The following DCC variants were observed in gnomAD, a reference collection of about 807,000 sequenced individuals.
DCC encodes DCC netrin 1 receptor, also known as netrin receptor DCC.
Under a neutral mutation model 172.5 loss-of-function variants are expected in DCC, and 58 were observed. The ratio of observed to expected loss-of-function variants is 0.34; its 90% confidence interval spans 0.27 to 0.42. The LOEUF (loss-of-function observed/expected upper bound fraction) is 0.42. Among genes scored for constraint, DCC ranks in the 10% least tolerant of loss-of-function variants. The pLI, the probability that DCC is intolerant of heterozygous loss-of-function variation, is 1.00. For synonymous variants in DCC, 709 were observed against 644.5 expected, an observed-to-expected ratio of 1.10 and a Z score of -1.52; for missense variants, 1,740 against 1,791.0, an observed-to-expected ratio of 0.97 and a Z score of 0.51.
intron 1 of DCC, among the ~76,000 whole-genome samples, chr18:52,624,522 C>A (rs996312440): frequency 6.6e-6 from 1 of 152,112 alleles, no homozygotes; most frequent in Non-Finnish European, 1.5e-5. Flanking sequence ...TTGGAACAAG[C>A]TTGTGAGTAG....
intron 1 of DCC, among the ~76,000 whole-genome samples, chr18:52,724,970 A>T (rs561361213): frequency 3.9e-5 from 6 of 152,150 alleles, no homozygotes; most frequent in African/African-American, 7.2e-5. Context: ...GGCCACATGA[A>T]ATGTCTTTCT....
intron 2 of DCC, among the ~76,000 whole-genome samples, chr18:52,842,989 T>C (rs1202031420): frequency 6.6e-6 from 1 of 152,162 alleles, no homozygotes; most frequent in Non-Finnish European, 1.5e-5. Flanking sequence ...ATTTAGGTGC[T>C]TTTTAGATTT....
intron 12 of DCC, among the ~76,000 whole-genome samples, chr18:53,245,980 G>C (rs1398340397): frequency 1.3e-5 from 2 of 152,040 alleles, no homozygotes; most frequent in Non-Finnish European, 2.9e-5. Context: ...AGGTCTGCCT[G>C]GGTGTCAGCT....
At chr18:52,629,667 T>C (rs1260637278) in intron 1 of DCC, among the ~76,000 whole-genome samples, 1 of 151,796 alleles carries the variant, frequency 6.6e-6, no homozygotes, top group African/African-American at 2.4e-5. Flanking sequence ...ATACAAAAAT[T>C]AGTCCGGGCG....
chr18:53,313,115 A>T (rs947239712), intron 13 of DCC, among the ~76,000 whole-genome samples: 4 of 151,948 alleles, frequency 2.6e-5, no homozygotes, highest in Non-Finnish European at 5.9e-5. Flanking sequence ...AAAGAAAGCA[A>T]CATTGAAAGA....
intron 12 of DCC, among the ~76,000 whole-genome samples, chr18:53,230,900 C>A (rs944674569): frequency 6.6e-6 from 1 of 151,926 alleles, no homozygotes; most frequent in African/African-American, 2.4e-5. Flanking sequence ...GGATGTAAGT[C>A]TGTGACATCA....
chr18:52,399,317 T>A (rs1986350379), intron 1 of DCC, among the ~76,000 whole-genome samples: 2 of 151,962 alleles, frequency 1.3e-5, no homozygotes, highest in African/African-American at 4.8e-5. Context: ...TAGATAACTT[T>A]CCAGCATTGT....
chr18:52,360,194 C>G (rs1001028740), intron 1 of DCC, among the ~76,000 whole-genome samples: 1 of 152,158 alleles, frequency 6.6e-6, no homozygotes. Context: ...TTAGACACTT[C>G]TAGATTATTG....
chr18:52,920,315 A>G (rs1481083079), intron 3 of DCC, among the ~76,000 whole-genome samples: 2 of 152,094 alleles, frequency 1.3e-5, no homozygotes, highest in African/African-American at 4.8e-5. Context: ...CACACTTGTG[A>G]TCAAGGGCTT....
intron 2 of DCC, among the ~76,000 whole-genome samples, chr18:52,863,274 T>C (rs1883765901): frequency 1.3e-5 from 2 of 151,972 alleles, no homozygotes; most frequent in South Asian, 4.1e-4. Flanking sequence ...TTCTCTTGTA[T>C]CTAGTAGTTT....
intron 12 of DCC, among the ~76,000 whole-genome samples, chr18:53,215,951 A>G (rs2055840156): frequency 6.6e-6 from 1 of 152,224 alleles, no homozygotes; most frequent in Non-Finnish European, 1.5e-5. Context: ...TAGATGAGGA[A>G]ATTGAAATAA....
In DCC at chr18:52,674,389, C is replaced by T. The variant is rs2035611803; in HGVS notation, c.92-77665C>T. On this transcript the variant is annotated intron_variant, in intron 1 of 28. Transcript: ENST00000442544. ...GAAAGAAAATTGAACCTTCTCCTTCCATTTGCTTCTGTTGAAGCCCACAAC... is the reference window on the plus strand; with the variant it reads ...GAAAGAAAATTGAACCTTCTCCTTCTATTTGCTTCTGTTGAAGCCCACAAC... Among the ~76,000 whole-genome samples the T allele has an allele frequency of 2.6e-5, 4 of 152,234 alleles. No individual in the cohort carries two copies. The South Asian group carries it at 8.3e-4, about 32-fold the overall frequency.
At chr18:52,453,420 G>A (rs1263733305) in intron 1 of DCC, among the ~76,000 whole-genome samples, 3 of 152,102 alleles carry the variant, frequency 2.0e-5, no homozygotes, top group Non-Finnish European at 2.9e-5. Flanking sequence ...CAATCATCAC[G>A]CAGGTTGCCC....
chr18:52,834,386 C>G (rs1270040459), intron 2 of DCC, among the ~76,000 whole-genome samples: 1 of 152,158 alleles, frequency 6.6e-6, no homozygotes, highest in African/African-American at 2.4e-5. Flanking sequence ...CTAGAAGTTT[C>G]TACTTTAAAT....
At chr18:53,162,905 T>A (rs2054864626) in intron 8 of DCC, among the ~76,000 whole-genome samples, 1 of 152,238 alleles carries the variant, frequency 6.6e-6, no homozygotes, top group Non-Finnish European at 1.5e-5. Context: ...TGAGCTATTC[T>A]CAGCACCTGG....
At chr18:53,412,606 A>C (rs1177284180) in intron 20 of DCC, among the ~76,000 whole-genome samples, 4 of 151,942 alleles carry the variant, frequency 2.6e-5, no homozygotes, top group Non-Finnish European at 4.4e-5. Flanking sequence ...TGTTTGCCTG[A>C]GACAAAGGCT....
At chr18:52,515,172 C>T (rs2031584267) in intron 1 of DCC, among the ~76,000 whole-genome samples, 1 of 152,062 alleles carries the variant, frequency 6.6e-6, no homozygotes, top group Non-Finnish European at 1.5e-5. Flanking sequence ...TTGACAAAGG[C>T]TCAAAGCCAA....
intron 5 of DCC, among the ~76,000 whole-genome samples, chr18:53,062,268 G>C (rs996809607): frequency 6.6e-6 from 1 of 152,050 alleles, no homozygotes; most frequent in Admixed American, 6.6e-5. Context: ...TAGCTTTGGT[G>C]TCAGGAGAAA....
At chr18:52,373,887 C>CTTTTTTTTTTTTTTTTTTTTTT (rs779518696) in intron 1 of DCC, among the ~76,000 whole-genome samples, 1 of 141,114 alleles carries the variant, frequency 7.1e-6, no homozygotes, top group African/African-American at 2.6e-5. Flanking sequence ...TTGGTTGCAT[C>CTTTTTTTTTTTTTTTTTTTTTT]ATTTTTTTTT....
Sources: allele counts gnomAD v4.1 joint callset (sites outside exome capture counted in the v4.1 genomes callset), GRCh38; gene constraint gnomAD v4.1.1; transcripts MANE v1.5; gene names NCBI Gene and HGNC (gene_info 2026-07-23, HGNC 2026-07-21).